The following SLC2A14 variants were observed in gnomAD, a reference collection of about 807,000 sequenced individuals.
SLC2A14 encodes the protein solute carrier family 2, facilitated glucose transporter member 14.
SLC2A14 carries 13 observed loss-of-function variants against 43.0 expected under a neutral mutation model. The ratio of observed to expected loss-of-function variants is 0.30; its 90% CI spans 0.20 to 0.48. The LOEUF is 0.48. SLC2A14 is among the 20% of genes least tolerant of loss of function. The probability of loss-of-function intolerance (pLI) is 0.99; values close to 1 mark genes in which losing one functional copy is unlikely to be tolerated. For missense variants in SLC2A14, 428 were observed against 620.4 expected (o/e 0.69, Z 3.29); for synonymous variants, 190 against 233.8 (o/e 0.81, Z 1.71).
intron 2 of SLC2A14, among the ~76,000 whole-genome samples, chr12:7,854,869 G>A (rs1226780294): frequency 1.3e-5 from 2 of 149,752 alleles, no homozygotes; most frequent in Non-Finnish European, 3.0e-5. Flanking sequence ...GGAGTGTAGT[G>A]GCGCGATCTC....
chr12:7,842,709 T>G (rs1157544900), intron 2 of SLC2A14, among the ~76,000 whole-genome samples: 6 of 148,006 alleles, frequency 4.1e-5, no homozygotes, highest in Non-Finnish European at 7.4e-5. Flanking sequence ...TCACATCTAC[T>G]CTTTCTTTTT....
intron 2 of SLC2A14, among the ~76,000 whole-genome samples, chr12:7,866,436 C>T (rs779715145): frequency 6.6e-6 from 1 of 152,108 alleles, no homozygotes; most frequent in South Asian, 2.1e-4. Context: ...ATGATCTCAG[C>T]TCACTGCAAC....
chr12:7,866,668 C>T (rs1415406419), intron 2 of SLC2A14, among the ~76,000 whole-genome samples: 2 of 152,122 alleles, frequency 1.3e-5, no homozygotes, highest in Non-Finnish European at 2.9e-5. Context: ...GCCCAGCCAA[C>T]TTTCTTTCAT....
intron 2 of SLC2A14, among the ~76,000 whole-genome samples, chr12:7,846,824 G>A (rs936405814): frequency 6.6e-6 from 1 of 151,496 alleles, no homozygotes; most frequent in Non-Finnish European, 1.5e-5. Context: ...AGTAGAGACA[G>A]GGTTTCACTG....
chr12:7,875,135 T>TTATTATATTTAAAATTAAATATATA (rs1945434858), upstream of SLC2A14, among the ~76,000 whole-genome samples: 1 of 109,452 alleles, frequency 9.1e-6, no homozygotes, highest in African/African-American at 3.7e-5. Context: ...TTAAATATAT[T>TTATTATATTTAAAATTAAATATATA]TAAATATTAT....
rs780363885 is a variant in SLC2A14, at chr12:7,817,998, C to A, written c.1108G>T (p.Ala370Ser). The change falls in exon 10 of 11, where the codon GCT becomes TCT. Residue 370 changes from alanine (A) to serine (S), a missense_variant. Ala to Ser is a moderately conservative substitution (Grantham distance 99). Around this residue, in one of 4 missense-constraint regions of SLC2A14, gnomAD observed 119 missense variants for 188.7 expected, o/e 0.63. Coordinates refer to ENST00000431042, the MANE Select transcript of SLC2A14 (RefSeq NM_001286234.2). Reference protein sequence around the residue: ...YNGMSFVCIGAILVFVACFEI... With the variant: ...YNGMSFVCIGSILVFVACFEI... Reference sequence around the variant, plus strand: ...AAACAGGCCACAAAGACCAAGATAGCCCCAATACAGACAAAGCTCATCCCA... The same window carrying A: ...AAACAGGCCACAAAGACCAAGATAGACCCAATACAGACAAAGCTCATCCCA... The A allele has an allele frequency of 1.7e-5, 28 of 1,613,848 alleles. No homozygotes were observed. Among genetic ancestry groups the A allele is most frequent in the Non-Finnish European group, 2.3e-5 (27 of 1,180,006 alleles).
chr12:7,842,854 G>A (rs10772799), intron 2 of SLC2A14, among the ~76,000 whole-genome samples: 50,339 of 151,158 alleles, frequency 0.33, 8,770 homozygotes, highest in Admixed American at 0.4. Flanking sequence ...TCAGCCTCCC[G>A]AGTAGCTGTG....
intron 2 of SLC2A14, 76 bp from the exon 3 acceptor site, chr12:7,832,890 G>C: frequency 1.4e-6 from 2 of 1,432,240 alleles, no homozygotes; most frequent in Non-Finnish European, 2.0e-6. Flanking sequence ...ATTAATTATG[G>C]AGCTGTATTA....
chr12:7,853,234 T>A (rs2120941119), intron 2 of SLC2A14, among the ~76,000 whole-genome samples: 1 of 150,424 alleles, frequency 6.6e-6, no homozygotes, highest in African/African-American at 2.4e-5. Flanking sequence ...AGGTCAGGAG[T>A]TTGAGAGCAG....
chr12:7,878,721 A>C (rs1447668061), intron 1 of SLC2A14, among the ~76,000 whole-genome samples: 1 of 151,870 alleles, frequency 6.6e-6, no homozygotes, highest in Admixed American at 6.6e-5. Flanking sequence ...GCTCAGGGCG[A>C]TAATCCCAGC....
rs147531461 is a variant in SLC2A14, at chr12:7,814,609, A to G, written c.1276-75T>C. ...GACAAATACAATTTCCTTCACATTC[A>G]TATTTCCAATAGGCTTCAAGCTATA... On this transcript the variant is annotated intron_variant, in intron 10 of 10. Coordinates refer to ENST00000431042, the MANE Select transcript of SLC2A14 (RefSeq NM_001286234.2). The G allele has an allele frequency of 1.2e-3, 1,716 of 1,460,038 alleles. 25 individuals are homozygous for G. In the African/African-American group the frequency reaches 0.022, roughly 19 times the overall value. 90.4% of individuals were successfully genotyped at this position (1,460,038 alleles called of 1,614,324 possible).
chr12:7,874,228 T>C (rs1160746802), upstream of SLC2A14, among the ~76,000 whole-genome samples: 1 of 152,038 alleles, frequency 6.6e-6, no homozygotes, highest in Non-Finnish European at 1.5e-5. Context: ...AATTGATAAA[T>C]TGTTTGGCAA....
intron 2 of SLC2A14, among the ~76,000 whole-genome samples, chr12:7,838,316 G>A (rs1407340262): frequency 6.7e-6 from 1 of 148,994 alleles, no homozygotes; most frequent in Non-Finnish European, 1.5e-5. Flanking sequence ...TTGAACTCCT[G>A]ACCTTGCGAT....
chr12:7,828,402 TGTG>T (rs1360004570), intron 6 of SLC2A14, among the ~76,000 whole-genome samples: 10 of 147,906 alleles, frequency 6.8e-5, no homozygotes, highest in African/African-American at 2.0e-4. Flanking sequence ...CCAGGCGTGG[TGTG>T]GTGGTGGTGG....
At chr12:7,871,061 A>G in intron 1 of SLC2A14, 1 of 1,404,110 alleles carries the variant, frequency 7.1e-7, no homozygotes, top group South Asian at 1.2e-5. Flanking sequence ...ATGGATGAAT[A>G]CCTGCAGGGC....
At chr12:7,821,918 G>A (rs772373737) in intron 7 of SLC2A14, among the ~76,000 whole-genome samples, 7 of 145,142 alleles carry the variant, frequency 4.8e-5, no homozygotes, top group African/African-American at 1.5e-4. Context: ...TCTACCTCCC[G>A]GGTTCAAGCG....
intron 7 of SLC2A14, among the ~76,000 whole-genome samples, chr12:7,826,895 T>A (rs1864461186): frequency 1.3e-5 from 1 of 78,436 alleles, no homozygotes; most frequent in African/African-American, 6.0e-5. Flanking sequence ...CTTTCTTTCT[T>A]TCTTTCTTTC....
upstream of SLC2A14, among the ~76,000 whole-genome samples, chr12:7,878,201 C>A (rs1293726370): frequency 6.6e-6 from 1 of 151,956 alleles, no homozygotes; most frequent in Non-Finnish European, 1.5e-5. Context: ...CAGGTGGCAG[C>A]CACCACGCCT....
chr12:7,826,814 C>CT (rs1433806990), intron 7 of SLC2A14, among the ~76,000 whole-genome samples: 1 of 146,028 alleles, frequency 6.8e-6, no homozygotes, highest in Non-Finnish European at 1.5e-5. Context: ...CAGGCTCGCT[C>CT]TTTTTTCTTT....
Sources: allele counts gnomAD v4.1 joint callset (sites outside exome capture counted in the v4.1 genomes callset), GRCh38; gene constraint gnomAD v4.1.1; regional missense constraint gnomAD v4.1.1; transcripts MANE v1.5; gene names NCBI Gene and HGNC (gene_info 2026-07-23, HGNC 2026-07-21).